Variants in MAGI2 observed in about 807,000 individuals in gnomAD.
The protein encoded by MAGI2 is membrane associated guanylate kinase, WW and PDZ domain containing 2, also known as membrane-associated guanylate kinase, WW and PDZ domain-containing protein 2.
Under a neutral mutation model 133.3 loss-of-function variants are expected in MAGI2, and 35 were observed. The ratio of observed to expected loss-of-function variants is 0.26; its 90% CI spans 0.20 to 0.35. The LOEUF (loss-of-function observed/expected upper bound fraction) is 0.35. Ranked by LOEUF, MAGI2 falls within the 10% of genes least tolerant of loss-of-function variation. MAGI2 has a pLI of 1.00. For missense variants in MAGI2, 1,636 were observed against 1,863.4 expected (o/e 0.88, Z 2.25); for synonymous variants, 729 against 710.6 (o/e 1.03, Z -0.41).
At chr7:78,261,881 C>A (rs986333284) in intron 9 of MAGI2, among the ~76,000 whole-genome samples, 3 of 152,146 alleles carry the variant, frequency 2.0e-5, no homozygotes, top group African/African-American at 7.2e-5. Flanking sequence ...TCAACCCCCA[C>A]AAACATAATA....
chr7:78,447,856 T>C (rs199846618), intron 6 of MAGI2, among the ~76,000 whole-genome samples: 3 of 152,146 alleles, frequency 2.0e-5, no homozygotes, highest in East Asian at 1.9e-4. Context: ...CACTGTGCAG[T>C]AGACAAAACT....
At chr7:78,345,744 C>T (rs188456756) in intron 8 of MAGI2, among the ~76,000 whole-genome samples, 178 bp downstream of exon 8, 12 of 152,300 alleles carry the variant, frequency 7.9e-5, no homozygotes, top group South Asian at 2.1e-4. Flanking sequence ...ACTTCATCTG[C>T]GGTTGCTAAA....
intron 9 of MAGI2, among the ~76,000 whole-genome samples, chr7:78,268,196 C>A (rs1407018367): frequency 6.6e-6 from 1 of 151,912 alleles, no homozygotes; most frequent in Non-Finnish European, 1.5e-5. Context: ...ATAGCACTAG[C>A]ACTTTATTTT....
intron 1 of MAGI2, among the ~76,000 whole-genome samples, chr7:79,050,159 G>A (rs975359022): frequency 6.6e-6 from 1 of 152,106 alleles, no homozygotes; most frequent in African/African-American, 2.4e-5. Context: ...CTAGAAGTCT[G>A]TTGTTTTCTC....
At chr7:79,323,986 A>G (rs2129561892) in intron 1 of MAGI2, among the ~76,000 whole-genome samples, 1 of 152,226 alleles carries the variant, frequency 6.6e-6, no homozygotes, top group Admixed American at 6.5e-5. Flanking sequence ...GAAGCTAGAG[A>G]CAAACTACCT....
intron 2 of MAGI2, among the ~76,000 whole-genome samples, chr7:78,841,688 T>C (rs1379817687): frequency 6.6e-6 from 1 of 152,038 alleles, no homozygotes; most frequent in African/African-American, 2.4e-5. Context: ...ATACACAGAA[T>C]ATGCTCTCAT....
At chr7:79,431,627 A>G (rs1342767072) in intron 1 of MAGI2, among the ~76,000 whole-genome samples, 2 of 152,228 alleles carry the variant, frequency 1.3e-5, no homozygotes, top group Admixed American at 1.3e-4. Flanking sequence ...TTCAGCATGA[A>G]AATGAGCAAT....
At chr7:78,796,579 G>A (rs118030158) in intron 2 of MAGI2, among the ~76,000 whole-genome samples, 2 of 152,066 alleles carry the variant, frequency 1.3e-5, no homozygotes, top group African/African-American at 4.8e-5. Context: ...CGGTATGGAG[G>A]TTCCTCAAAA....
intron 6 of MAGI2, among the ~76,000 whole-genome samples, chr7:78,384,099 T>A (rs1280499883): frequency 6.6e-6 from 1 of 152,096 alleles, no homozygotes; most frequent in South Asian, 2.1e-4. Flanking sequence ...TGGTTCCATA[T>A]GAAATTTAGG....
At chr7:78,743,339 C>T (rs1046815744) in intron 2 of MAGI2, among the ~76,000 whole-genome samples, 1 of 152,178 alleles carries the variant, frequency 6.6e-6, no homozygotes, top group African/African-American at 2.4e-5. Context: ...TGAAGCACTA[C>T]ACAAGTGCTA....
At chr7:79,209,938 T>G (rs560280310) in intron 1 of MAGI2, among the ~76,000 whole-genome samples, 1 of 152,058 alleles carries the variant, frequency 6.6e-6, no homozygotes, top group Non-Finnish European at 1.5e-5. Flanking sequence ...TATTTTATTT[T>G]TATTTATTAA....
intron 1 of MAGI2, among the ~76,000 whole-genome samples, chr7:79,278,524 A>C (rs1585409362): frequency 6.6e-6 from 1 of 152,134 alleles, no homozygotes; most frequent in South Asian, 2.1e-4. Flanking sequence ...CAAATATCAT[A>C]ATATTGTGAT....
intron 1 of MAGI2, among the ~76,000 whole-genome samples, chr7:79,067,362 A>G (rs944822624): frequency 3.3e-5 from 5 of 152,102 alleles, no homozygotes; most frequent in African/African-American, 1.2e-4. Context: ...TTCTCTTTGT[A>G]GCAATTGTGA....
At chr7:78,238,317 G>A (rs1224078957) in intron 10 of MAGI2, among the ~76,000 whole-genome samples, 1 of 152,064 alleles carries the variant, frequency 6.6e-6, no homozygotes, top group East Asian at 1.9e-4. Context: ...CTGGATTCTC[G>A]GTTCCCCATC....
At chr7:78,205,216 C>T (rs1372550980) in intron 10 of MAGI2, among the ~76,000 whole-genome samples, 1 of 152,220 alleles carries the variant, frequency 6.6e-6, no homozygotes, top group Non-Finnish European at 1.5e-5. Context: ...ACTGCAACCT[C>T]TACCTCCCAG....
chr7:78,302,485 T>C (rs1797914551), intron 9 of MAGI2, among the ~76,000 whole-genome samples: 2 of 152,238 alleles, frequency 1.3e-5, no homozygotes, highest in Admixed American at 6.5e-5. Context: ...GATCAAGTTG[T>C]AGTTGAAATA....
At chr7:78,288,456 G>A (rs918926513) in intron 9 of MAGI2, among the ~76,000 whole-genome samples, 5 of 151,964 alleles carry the variant, frequency 3.3e-5, no homozygotes, top group South Asian at 2.1e-4. Flanking sequence ...TCCTTCCCTA[G>A]GTTCCTTGTT....
Position 78,222,026 on chromosome 7 carries a change from G to GACAGA in MAGI2, c.2048-20834_2048-20833insTCTGT, listed in dbSNP as rs1291223670. Among the ~76,000 whole-genome samples, 79 of 152,056 alleles carry GACAGA rather than the reference G, an allele frequency of 5.2e-4. 1 individual carries two copies. In the South Asian group the frequency reaches 0.015, roughly 30 times the overall value. ...GATTGCATGACTGTACTTCAGCCTG[G>GACAGA]GCGACAGAGCAAGATCTTGTCTCTT... On this transcript the variant is annotated intron_variant, in intron 10 of 21. Coordinates refer to ENST00000354212, the MANE Select transcript of MAGI2 (RefSeq NM_012301.4).
chr7:78,595,439 C>G (rs1246297578), intron 3 of MAGI2, among the ~76,000 whole-genome samples: 1 of 152,160 alleles, frequency 6.6e-6, no homozygotes, highest in African/African-American at 2.4e-5. Flanking sequence ...TCTCATCTAA[C>G]AAGTTTAATT....
Sources: allele counts gnomAD v4.1 joint callset (sites outside exome capture counted in the v4.1 genomes callset), GRCh38; gene constraint gnomAD v4.1.1; transcripts MANE v1.5; gene names NCBI Gene and HGNC (gene_info 2026-07-23, HGNC 2026-07-21).